The following TASP1 variants were observed in gnomAD, a reference collection of about 807,000 sequenced individuals.
TASP1 encodes the protein threonine aspartase 1.
Under a neutral mutation model 56.6 loss-of-function variants are expected in TASP1, and 16 were observed. That is an observed-to-expected ratio of 0.28 (90% CI 0.19 to 0.43). TASP1 has a LOEUF of 0.43. Among genes scored for constraint, TASP1 ranks in the 20% least tolerant of loss-of-function variants. The pLI, the probability that TASP1 is intolerant of heterozygous loss-of-function variation, is 1.00. For missense variants in TASP1, 393 were observed against 511.6 expected, an observed-to-expected ratio of 0.77 and a Z score of 2.24; for synonymous variants, 179 against 184.2, an observed-to-expected ratio of 0.97 and a Z score of 0.23.
chr20:13,403,095 T>C (rs1296398578), intron 13 of TASP1, among the ~76,000 whole-genome samples: 1 of 152,226 alleles, frequency 6.6e-6, no homozygotes, highest in East Asian at 1.9e-4. Context: ...CCATTTTGGC[T>C]TGAATTGCAG....
the TASP1 span, among the ~76,000 whole-genome samples, chr20:13,243,654 A>T: frequency 1.2e-5 from 1 of 85,876 alleles, no homozygotes; most frequent in Non-Finnish European, 2.4e-5. Flanking sequence ...AGCTATGAAT[A>T]AAAAAAAATT....
At chr20:13,388,550 A>G (rs1304212160), downstream of TASP1, among the ~76,000 whole-genome samples, 1 of 152,208 alleles carries the variant, frequency 6.6e-6, no homozygotes, top group Non-Finnish European at 1.5e-5. Flanking sequence ...GGGCAAAAGG[A>G]GATGAAAGAA....
At chr20:13,504,750 T>C (rs564765819) in intron 10 of TASP1, among the ~76,000 whole-genome samples, 5 of 152,306 alleles carry the variant, frequency 3.3e-5, no homozygotes, top group Admixed American at 2.0e-4. Flanking sequence ...AGAGTTTTCA[T>C]ATCTAATCAA....
the TASP1 span, among the ~76,000 whole-genome samples, chr20:13,143,054 T>C: frequency 6.6e-6 from 1 of 152,242 alleles, no homozygotes; most frequent in East Asian, 1.9e-4. Flanking sequence ...GGACTTTATG[T>C]AGTTAAATTC....
intron 6 of TASP1, among the ~76,000 whole-genome samples, chr20:13,577,836 C>G (rs555294192): frequency 1.3e-4 from 20 of 152,326 alleles, no homozygotes; most frequent in African/African-American, 4.6e-4. Flanking sequence ...AGCCATGTTA[C>G]TATACACAAA....
chr20:13,237,058 G>A, the TASP1 span, among the ~76,000 whole-genome samples: 17 of 152,278 alleles, frequency 1.1e-4, no homozygotes, highest in East Asian at 2.5e-3. Context: ...TGGGGGCTCC[G>A]GTCCCACATT....
At chr20:13,371,986 G>T in the TASP1 span, among the ~76,000 whole-genome samples, 8 of 152,052 alleles carry the variant, frequency 5.3e-5, no homozygotes, top group Non-Finnish European at 1.2e-4. Context: ...ATTACTGTTT[G>T]CATGATACAT....
At chr20:13,284,352 A>G in the TASP1 span, among the ~76,000 whole-genome samples, 1 of 152,190 alleles carries the variant, frequency 6.6e-6, no homozygotes, top group African/African-American at 2.4e-5. Context: ...CTCTCAGCCC[A>G]CTGCACTCGG....
intron 10 of TASP1, among the ~76,000 whole-genome samples, chr20:13,490,025 G>A (rs942396128): frequency 5.9e-5 from 9 of 152,102 alleles, no homozygotes; most frequent in East Asian, 1.9e-4. Context: ...GAAAGAAGAC[G>A]ACTTCTAGCT....
At chr20:13,255,077 T>G in the TASP1 span, among the ~76,000 whole-genome samples, 1 of 152,164 alleles carries the variant, frequency 6.6e-6, no homozygotes, top group Non-Finnish European at 1.5e-5. Context: ...TAGAATAATT[T>G]CAGCTAACAA....
chr20:13,136,964 A>G, the TASP1 span, among the ~76,000 whole-genome samples: 1 of 152,122 alleles, frequency 6.6e-6, no homozygotes, highest in African/African-American at 2.4e-5. Context: ...CCATAGGAAG[A>G]AAAAGCTTAA....
At chr20:13,493,099 G>A (rs1219643905) in intron 10 of TASP1, among the ~76,000 whole-genome samples, 1 of 152,090 alleles carries the variant, frequency 6.6e-6, no homozygotes, top group Admixed American at 6.5e-5. Flanking sequence ...AAAGGTTCCA[G>A]TTTTATGAAC....
At chr20:13,117,672 G>C in the TASP1 span, 40 of 1,613,750 alleles carry the variant, frequency 2.5e-5, no homozygotes, top group Non-Finnish European at 3.4e-5. Flanking sequence ...TGTGCTCATG[G>C]GCACATTCAC....
intron 13 of TASP1, chr20:13,393,315 A>G: frequency 1.3e-6 from 1 of 758,968 alleles, no homozygotes; most frequent in Non-Finnish European, 2.4e-6. Flanking sequence ...TGGCACTGCC[A>G]AGGCTGTGGG....
chr20:13,295,409 T>C, the TASP1 span, among the ~76,000 whole-genome samples: 2 of 152,174 alleles, frequency 1.3e-5, no homozygotes, highest in African/African-American at 4.8e-5. Context: ...TATATTCCTA[T>C]ACCTTCTGCT....
At chr20:13,561,456 C>A (rs545264990) in intron 7 of TASP1, among the ~76,000 whole-genome samples, 41 of 152,140 alleles carry the variant, frequency 2.7e-4, no homozygotes, top group Non-Finnish European at 4.6e-4. Context: ...ACCCCTGCCT[C>A]CCAGGTTCAA....
At chr20:13,199,706 C>G in the TASP1 span, among the ~76,000 whole-genome samples, 4 of 152,162 alleles carry the variant, frequency 2.6e-5, no homozygotes, top group Admixed American at 2.0e-4. Context: ...TTTCAGTGAA[C>G]AGTTGAATCT....
intron 8 of TASP1, among the ~76,000 whole-genome samples, chr20:13,550,286 C>T (rs1401066714): frequency 6.6e-6 from 1 of 151,742 alleles, no homozygotes; most frequent in Non-Finnish European, 1.5e-5. Context: ...TTAGAAGATC[C>T]TCATATACTG....
chr20:13,435,523 T>C (rs1170209656), intron 11 of TASP1, among the ~76,000 whole-genome samples: 4 of 152,224 alleles, frequency 2.6e-5, no homozygotes, highest in Non-Finnish European at 5.9e-5. Context: ...AGGCTCTCCC[T>C]GCTGTCAGGG....
Sources: gnomAD v4.1 joint callset for allele counts (sites outside exome capture counted in the v4.1 genomes callset) on GRCh38, gnomAD v4.1.1 for gene constraint, MANE v1.5 for transcripts, NCBI Gene and HGNC (gene_info 2026-07-23, HGNC 2026-07-21) for gene names.